Variants in MATCAP2 observed in about 807,000 individuals in gnomAD.
MATCAP2 encodes the protein putative tyrosine carboxypeptidase MATCAP2.
At chr7:36,345,470 T>C in the MATCAP2 span, among the ~76,000 whole-genome samples, 1 of 151,928 alleles carries the variant, frequency 6.6e-6, no homozygotes, top group South Asian at 2.1e-4. Flanking sequence ...AAATGAGTAA[T>C]TGTTCTCTCC....
chr7:36,327,904 G>A, the MATCAP2 span, among the ~76,000 whole-genome samples: 2,057 of 152,140 alleles, frequency 0.014, 18 homozygotes, highest in Non-Finnish European at 0.02. Context: ...TTTAATTTAG[G>A]ATACATAATG....
At chr7:36,329,614 A>C in the MATCAP2 span, among the ~76,000 whole-genome samples, 1 of 152,254 alleles carries the variant, frequency 6.6e-6, no homozygotes, top group Admixed American at 6.5e-5. Context: ...GAATAAAGTA[A>C]GTCCAATTAA....
the MATCAP2 span, among the ~76,000 whole-genome samples, chr7:36,371,458 T>C: frequency 6.6e-6 from 1 of 152,182 alleles, no homozygotes; most frequent in South Asian, 2.1e-4. Flanking sequence ...TCTATATTCT[T>C]CTTACATAGT....
At chr7:36,357,904 G>T in the MATCAP2 span, among the ~76,000 whole-genome samples, 1 of 152,156 alleles carries the variant, frequency 6.6e-6, no homozygotes, top group Non-Finnish European at 1.5e-5. Flanking sequence ...TTCTACAAAA[G>T]AATGTAGATT....
At chr7:36,344,263 C>A in the MATCAP2 span, among the ~76,000 whole-genome samples, 1 of 152,100 alleles carries the variant, frequency 6.6e-6, no homozygotes, top group Non-Finnish European at 1.5e-5. Flanking sequence ...CAATAAGGAA[C>A]AATCTAAATA....
chr7:36,344,484 A>G, the MATCAP2 span, among the ~76,000 whole-genome samples: 1 of 152,214 alleles, frequency 6.6e-6, no homozygotes, highest in Non-Finnish European at 1.5e-5. Context: ...TGGTAGAATT[A>G]TGGGATTCTT....
At chr7:36,388,566 T>G in the MATCAP2 span, among the ~76,000 whole-genome samples, 2 of 152,236 alleles carry the variant, frequency 1.3e-5, no homozygotes, top group East Asian at 1.9e-4. Context: ...ACTTTTCAGA[T>G]GAACAAATCA....
At chr7:36,337,574 G>C in the MATCAP2 span, 2 of 152,136 alleles carry the variant, frequency 1.3e-5, no homozygotes, top group Admixed American at 1.3e-4. Flanking sequence ...TACAAGATCT[G>C]GAGTTGATGC....
the MATCAP2 span, among the ~76,000 whole-genome samples, chr7:36,361,012 G>C: frequency 6.6e-6 from 1 of 152,112 alleles, no homozygotes; most frequent in African/African-American, 2.4e-5. Flanking sequence ...TTTGTTGATA[G>C]AAGAAAATCG....
chr7:36,334,081 G>C, the MATCAP2 span: 1 of 1,614,106 alleles, frequency 6.2e-7, no homozygotes. Flanking sequence ...GGATTATTTG[G>C]CTTTAGCTCA....
the MATCAP2 span, chr7:36,357,335 C>T: frequency 8.7e-6 from 14 of 1,613,990 alleles, no homozygotes; most frequent in East Asian, 2.2e-5. Flanking sequence ...ATCTTTGCTA[C>T]GAGAAGTGTT....
chr7:36,357,066 T>G, the MATCAP2 span: 1 of 1,614,200 alleles, frequency 6.2e-7, no homozygotes, highest in East Asian at 2.2e-5. Context: ...ATACAAAATT[T>G]CTTCCCAGAA....
chr7:36,360,452 T>C, the MATCAP2 span, among the ~76,000 whole-genome samples: 19 of 152,188 alleles, frequency 1.2e-4, no homozygotes, highest in African/African-American at 4.3e-4. Flanking sequence ...CCTGAGAAGC[T>C]TAGCACGAGT....
At chr7:36,363,026 C>T in the MATCAP2 span, among the ~76,000 whole-genome samples, 2 of 151,724 alleles carry the variant, frequency 1.3e-5, no homozygotes, top group East Asian at 3.9e-4. Flanking sequence ...GAAAGGGGGG[C>T]CAGAGAGGTA....
chr7:36,389,302 C>T, the MATCAP2 span, among the ~76,000 whole-genome samples: 1 of 152,084 alleles, frequency 6.6e-6, no homozygotes, highest in Non-Finnish European at 1.5e-5. Context: ...ACCTCGTGAT[C>T]TGCCCGCCTC....
chr7:36,366,401 T>C, the MATCAP2 span, among the ~76,000 whole-genome samples: 7 of 152,210 alleles, frequency 4.6e-5, no homozygotes, highest in Non-Finnish European at 7.4e-5. Context: ...AAGACCCATG[T>C]TTTACACTTG....
the MATCAP2 span, chr7:36,366,991 C>G: frequency 1.3e-4 from 169 of 1,324,810 alleles, no homozygotes; most frequent in Non-Finnish European, 1.5e-4. Context: ...GGGGAAAGGG[C>G]CGCGCAGGGG....
At chr7:36,348,472 AC>A in the MATCAP2 span, among the ~76,000 whole-genome samples, 9 of 152,352 alleles carry the variant, frequency 5.9e-5, no homozygotes, top group Non-Finnish European at 8.8e-5. Context: ...TGCTGGCCAA[AC>A]AAAACATATA....
chr7:36,325,741 A>T, the MATCAP2 span: 1 of 152,204 alleles, frequency 6.6e-6, no homozygotes, highest in Non-Finnish European at 1.5e-5. Flanking sequence ...CTCTCATTTT[A>T]AAATTTAAAC....
Sources: allele counts gnomAD v4.1 joint callset (sites outside exome capture counted in the v4.1 genomes callset), GRCh38; gene constraint gnomAD v4.1.1; transcripts MANE v1.5; gene names NCBI Gene and HGNC (gene_info 2026-07-23, HGNC 2026-07-21).